The following CLSTN2 variants were observed in gnomAD, a reference collection of about 807,000 sequenced individuals.
The protein encoded by CLSTN2 is calsyntenin 2, also known as calsyntenin-2.
In CLSTN2, 48 loss-of-function variants were observed where a neutral mutation model predicts 101.2. The observed-to-expected ratio is 0.47, with a 90% confidence interval of 0.38 to 0.60. The LOEUF (loss-of-function observed/expected upper bound fraction) is 0.60. Among genes scored for constraint, CLSTN2 ranks in the 20% least tolerant of loss-of-function variants. The probability of loss-of-function intolerance (pLI) is 0.00; values close to 1 mark genes in which losing one functional copy is unlikely to be tolerated. For synonymous variants in CLSTN2, 481 were observed against 463.6 expected (o/e 1.04, Z -0.48); for missense variants, 1,160 against 1,238.2 (o/e 0.94, Z 0.95).
intron 5 of CLSTN2, among the ~76,000 whole-genome samples, chr3:140,431,361 C>A (rs534020285): frequency 7.2e-5 from 11 of 152,256 alleles, no homozygotes; most frequent in African/African-American, 2.4e-4. Context: ...AAGCTTCAAA[C>A]CCAAAGATGC....
At position 140,387,077 on chromosome 3, in the gene CLSTN2, A is replaced by G. The variant is rs751885541; in HGVS notation, c.233-16552A>G. Among the ~76,000 whole-genome samples, 5 of 152,188 alleles carry G rather than the reference A, an allele frequency of 3.3e-5. No individual in the cohort carries two copies. In the South Asian group the frequency reaches 6.2e-4, roughly 19 times the overall value. Reference sequence around the variant, plus strand: ...TAACTTAACATAGGTGTGGGCTGTGAAGTCAGGGAGATGAGATGAGGAAGT... The same window carrying G: ...TAACTTAACATAGGTGTGGGCTGTGGAGTCAGGGAGATGAGATGAGGAAGT... On this transcript the variant is annotated intron_variant, in intron 2 of 16. Transcript: ENST00000458420.
chr3:140,574,436 C>T lies in CLSTN2; in HGVS notation c.*8183C>T, dbSNP rs1212783785. ...CCACCGTCGAGGTCATGGGCAGCAT[C>T]CCAACTGAGGAGAGAAAACCCTAAT... On this transcript the variant is annotated 3_prime_UTR_variant, in exon 17 of 17. Coordinates refer to ENST00000458420, the MANE Select transcript of CLSTN2 (RefSeq NM_022131.3). 6.6e-6 allele frequency: 1 copy of T among 152,228 alleles called. No individual in the cohort carries two copies. Among genetic ancestry groups the T allele is most frequent in the Non-Finnish European group, 1.5e-5 (1 of 68,078 alleles). 9.4% of individuals were successfully genotyped at this position (152,228 alleles called of 1,614,324 possible).
intron 1 of CLSTN2, among the ~76,000 whole-genome samples, chr3:139,954,410 T>C (rs536463326): frequency 6.6e-6 from 1 of 152,292 alleles, no homozygotes; most frequent in South Asian, 2.1e-4. Context: ...AGCTGTGCTG[T>C]GTTCTGCAGC....
At chr3:140,055,995 T>C (rs1025177) in intron 1 of CLSTN2, among the ~76,000 whole-genome samples, 81,249 of 151,568 alleles carry the variant, frequency 0.54, 24,599 homozygotes, top group South Asian at 0.79. Context: ...TTGAGGAGGC[T>C]GGATTGGAGA....
chr3:139,941,680 T>G (rs1935133957), intron 1 of CLSTN2, among the ~76,000 whole-genome samples: 2 of 152,044 alleles, frequency 1.3e-5, no homozygotes, highest in Non-Finnish European at 2.9e-5. Flanking sequence ...GGGTAGGCAT[T>G]GGGTAAGCAT....
intron 8 of CLSTN2, among the ~76,000 whole-genome samples, chr3:140,526,957 A>G (rs1272373425): frequency 1.3e-5 from 2 of 152,208 alleles, no homozygotes; most frequent in African/African-American, 4.8e-5. Context: ...AAAGATTTAA[A>G]TATAAAACCC....
At chr3:140,272,656 G>T (rs962712748) in intron 2 of CLSTN2, among the ~76,000 whole-genome samples, 2 of 152,182 alleles carry the variant, frequency 1.3e-5, no homozygotes, top group African/African-American at 4.8e-5. Flanking sequence ...GGAGGCTGAG[G>T]CAGGAGAATC....
chr3:140,229,590 A>T (rs1428233437), intron 2 of CLSTN2, among the ~76,000 whole-genome samples: 1 of 151,836 alleles, frequency 6.6e-6, no homozygotes, highest in Non-Finnish European at 1.5e-5. Flanking sequence ...CCTCCTGATT[A>T]TTCAGGAGAG....
chr3:140,405,788 G>A (rs2088296614), intron 4 of CLSTN2, among the ~76,000 whole-genome samples: 1 of 152,192 alleles, frequency 6.6e-6, no homozygotes, highest in Admixed American at 6.5e-5. Flanking sequence ...AAAATCAAGT[G>A]TAATTATTTG....
At chr3:140,199,046 C>A (rs2010684924) in intron 2 of CLSTN2, among the ~76,000 whole-genome samples, 1 of 152,234 alleles carries the variant, frequency 6.6e-6, no homozygotes, top group East Asian at 1.9e-4. Context: ...TTCTCATATT[C>A]CATGGAGATT....
chr3:140,282,054 G>T (rs1384989374), intron 2 of CLSTN2, among the ~76,000 whole-genome samples: 1 of 152,142 alleles, frequency 6.6e-6, no homozygotes, highest in African/African-American at 2.4e-5. Flanking sequence ...TGTGTATAGG[G>T]TAGATAGGTA....
chr3:140,163,868 A>G (rs2010090725), intron 1 of CLSTN2, among the ~76,000 whole-genome samples: 1 of 151,962 alleles, frequency 6.6e-6, no homozygotes, highest in South Asian at 2.1e-4. Flanking sequence ...GCTTCTGGTT[A>G]GCTATGTTAA....
At chr3:140,195,829 T>A (rs188985543) in intron 2 of CLSTN2, among the ~76,000 whole-genome samples, 2 of 152,340 alleles carry the variant, frequency 1.3e-5, no homozygotes, top group Admixed American at 1.3e-4. Flanking sequence ...CTCAAAGGTT[T>A]TTACGTCTCA....
intron 7 of CLSTN2, chr3:140,460,155 A>T (rs1236241706): frequency 5.0e-6 from 1 of 201,060 alleles, no homozygotes; most frequent in African/African-American, 2.3e-5. Context: ...ACTGTATTAG[A>T]TACAGTAAGA....
intron 8 of CLSTN2, among the ~76,000 whole-genome samples, chr3:140,517,744 T>C (rs1369813145): frequency 6.6e-6 from 1 of 152,136 alleles, no homozygotes. Context: ...GTGGACTCTG[T>C]TAGGATCTTT....
chr3:140,242,135 T>G (rs9825167), intron 2 of CLSTN2, among the ~76,000 whole-genome samples: 1 of 152,036 alleles, frequency 6.6e-6, no homozygotes, highest in Non-Finnish European at 1.5e-5. Flanking sequence ...TGGTCTCGAA[T>G]TCCTGACCTC....
chr3:140,525,992 A>G (rs114010358), intron 8 of CLSTN2, among the ~76,000 whole-genome samples: 7,166 of 152,164 alleles, frequency 0.047, 558 homozygotes, highest in African/African-American at 0.16. Flanking sequence ...GCCCAAGAGG[A>G]ACCTTTCCCC....
intron 1 of CLSTN2, among the ~76,000 whole-genome samples, chr3:140,078,564 C>T (rs933617886): frequency 1.3e-5 from 2 of 152,132 alleles, no homozygotes; most frequent in Non-Finnish European, 2.9e-5. Flanking sequence ...AAAAGCTGTG[C>T]CACAGCCTGG....
intron 5 of CLSTN2, among the ~76,000 whole-genome samples, chr3:140,432,951 A>G (rs932038483): frequency 2.6e-5 from 4 of 152,192 alleles, no homozygotes; most frequent in African/African-American, 9.7e-5. Context: ...CTGAACCCTG[A>G]AAACTGTTAT....
Sources: allele counts gnomAD v4.1 joint callset (sites outside exome capture counted in the v4.1 genomes callset), GRCh38; gene constraint gnomAD v4.1.1; transcripts MANE v1.5; gene names NCBI Gene and HGNC (gene_info 2026-07-23, HGNC 2026-07-21).